Variants in PRKG1 observed in about 807,000 individuals in gnomAD.
The protein encoded by PRKG1 is protein kinase cGMP-dependent 1, also known as cGMP-dependent protein kinase 1.
In PRKG1, 35 loss-of-function variants were observed where a neutral mutation model predicts 88.1. That is an observed-to-expected ratio of 0.40 (90% CI 0.30 to 0.53). PRKG1 has a LOEUF of 0.53. Ranked by LOEUF, PRKG1 falls within the 20% of genes least tolerant of loss-of-function variation. The pLI, the probability that PRKG1 is intolerant of heterozygous loss-of-function variation, is 0.59. For synonymous variants in PRKG1, 303 were observed against 292.5 expected (o/e 1.04, Z -0.37); for missense variants, 540 against 839.8 (o/e 0.64, Z 4.41).
rs139539566 is a variant in PRKG1, at chr10:51,095,800, A to G, written c.311+20899A>G. On this transcript the variant is annotated intron_variant, in intron 1 of 17. Transcript: ENST00000373980. ...TTGTAAGAATAAATTTTTGTAAATC[A>G]AGGGTTTGAAGACTCCTAGTGAAAT... 2.1e-3 allele frequency among the ~76,000 whole-genome samples: 316 copies of G among 152,278 alleles called. 1 individual carries two copies. Among genetic ancestry groups the G allele is most frequent in the African/African-American group, 7.3e-3 (303 of 41,568 alleles).
At chr10:51,047,579 T>C (rs947675306) in intron 1 of PRKG1, among the ~76,000 whole-genome samples, 1 of 145,316 alleles carries the variant, frequency 6.9e-6, no homozygotes, top group Non-Finnish European at 1.5e-5. Flanking sequence ...AATTTAAAGG[T>C]GACAGACTTA....
At chr10:51,705,720 T>TTTACTATGAGTACTATGAGTACCTG (rs1841589005) in intron 3 of PRKG1, among the ~76,000 whole-genome samples, 2 of 152,172 alleles carry the variant, frequency 1.3e-5, no homozygotes, top group Non-Finnish European at 2.9e-5. Context: ...AGTTCCTCAA[T>TTTACTATGAGTACTATGAGTACCTG]TTATAGGTAA....
At chr10:52,084,509 G>A (rs754893553) in intron 7 of PRKG1, among the ~76,000 whole-genome samples, 2 of 151,846 alleles carry the variant, frequency 1.3e-5, no homozygotes, top group Admixed American at 6.6e-5. Context: ...CAATTTCACC[G>A]GTTACTGACA....
chr10:51,407,455 A>G (rs1435295487), intron 2 of PRKG1, among the ~76,000 whole-genome samples: 1 of 152,238 alleles, frequency 6.6e-6, no homozygotes, highest in African/African-American at 2.4e-5. Flanking sequence ...GAAAAGAAAT[A>G]AAATGAAGAT....
chr10:51,116,033 G>C (rs1193972699), intron 1 of PRKG1, among the ~76,000 whole-genome samples: 1 of 152,140 alleles, frequency 6.6e-6, no homozygotes, highest in Non-Finnish European at 1.5e-5. Flanking sequence ...GGCAGTTCTG[G>C]TGTGGTGGTG....
intron 2 of PRKG1, among the ~76,000 whole-genome samples, chr10:51,339,816 A>G (rs1841963732): frequency 6.6e-6 from 1 of 152,048 alleles, no homozygotes; most frequent in Non-Finnish European, 1.5e-5. Context: ...ACTGTTGATA[A>G]TTTGGTTTTA....
intron 7 of PRKG1, among the ~76,000 whole-genome samples, chr10:52,133,567 G>A (rs1352980389): frequency 2.6e-5 from 4 of 151,996 alleles, no homozygotes; most frequent in Non-Finnish European, 5.9e-5. Context: ...TTTCCCCAAA[G>A]GGAATGATAT....
At chr10:52,078,235 T>C (rs1185706545) in intron 7 of PRKG1, among the ~76,000 whole-genome samples, 1 of 152,218 alleles carries the variant, frequency 6.6e-6, no homozygotes, top group Non-Finnish European at 1.5e-5. Context: ...TTACATTGTA[T>C]TACCAAACAC....
chr10:51,768,258 G>A (rs1838219709), intron 3 of PRKG1, among the ~76,000 whole-genome samples: 1 of 152,066 alleles, frequency 6.6e-6, no homozygotes, highest in East Asian at 1.9e-4. Context: ...TAGTTATTTA[G>A]TTAGGAAGAT....
chr10:51,514,659 G>A (rs545274519), intron 3 of PRKG1, among the ~76,000 whole-genome samples: 40 of 152,164 alleles, frequency 2.6e-4, no homozygotes, highest in Non-Finnish European at 4.9e-4. Context: ...CAGCTGCGAG[G>A]CATGTACCGA....
At chr10:51,324,248 C>G (rs1841526139) in intron 2 of PRKG1, among the ~76,000 whole-genome samples, 1 of 151,972 alleles carries the variant, frequency 6.6e-6, no homozygotes, top group South Asian at 2.1e-4. Flanking sequence ...TCTTCATTCC[C>G]CATCCTTCCT....
At chr10:51,218,490 CATATATATATATATATATATATATATAT>C (rs869105973) in intron 2 of PRKG1, among the ~76,000 whole-genome samples, 1 of 40,780 alleles carries the variant, frequency 2.5e-5, no homozygotes, top group Non-Finnish European at 4.5e-5. Context: ...CATCTATCTT[CATATATATATATATATATATATATATAT>C]ATATATATAT....
chr10:51,731,662 G>C (rs1277167473), intron 3 of PRKG1, among the ~76,000 whole-genome samples: 1 of 152,190 alleles, frequency 6.6e-6, no homozygotes, highest in Admixed American at 6.5e-5. Context: ...TATGTAACCT[G>C]TATGCCTATG....
At chr10:51,981,108 T>G (rs912266710) in intron 5 of PRKG1, among the ~76,000 whole-genome samples, 1 of 152,146 alleles carries the variant, frequency 6.6e-6, no homozygotes, top group African/African-American at 2.4e-5. Flanking sequence ...GTGTGTGTGT[T>G]TTTTAGTGGC....
intron 3 of PRKG1, among the ~76,000 whole-genome samples, chr10:51,652,310 C>T (rs574438976): frequency 2.4e-5 from 2 of 84,516 alleles, no homozygotes; most frequent in East Asian, 6.8e-4. Flanking sequence ...TAAGTGATTT[C>T]TGACACAAAT....
intron 3 of PRKG1, among the ~76,000 whole-genome samples, chr10:51,710,737 T>C (rs1053952924): frequency 6.6e-5 from 10 of 152,248 alleles, no homozygotes; most frequent in African/African-American, 2.4e-4. Flanking sequence ...AAGCAAATGA[T>C]GCTATCAGTT....
At chr10:52,021,970 CTT>C (rs1224061915) in intron 5 of PRKG1, among the ~76,000 whole-genome samples, 1 of 152,136 alleles carries the variant, frequency 6.6e-6, no homozygotes, top group African/African-American at 2.4e-5. Flanking sequence ...CTAAACGTAA[CTT>C]GTCATATAAT....
chr10:51,735,195 T>C (rs1264931309), intron 3 of PRKG1, among the ~76,000 whole-genome samples: 1 of 152,172 alleles, frequency 6.6e-6, no homozygotes, highest in African/African-American at 2.4e-5. Flanking sequence ...TATGTATTGT[T>C]TGCTACATGT....
At chr10:52,233,359 G>A (rs921441352) in intron 9 of PRKG1, among the ~76,000 whole-genome samples, 3 of 152,026 alleles carry the variant, frequency 2.0e-5, no homozygotes, top group African/African-American at 7.2e-5. Context: ...CCCAGCGTGA[G>A]CGACGCAGAA....
Sources: gnomAD v4.1 joint callset for allele counts (sites outside exome capture counted in the v4.1 genomes callset) on GRCh38, gnomAD v4.1.1 for gene constraint, MANE v1.5 for transcripts, NCBI Gene and HGNC (gene_info 2026-07-23, HGNC 2026-07-21) for gene names.